Variants in AKAP6 observed in about 807,000 individuals in gnomAD.
AKAP6 encodes A-kinase anchor protein 6.
Under a neutral mutation model 188.5 loss-of-function variants are expected in AKAP6, and 58 were observed. That is an observed-to-expected ratio of 0.31 (90% confidence interval 0.25 to 0.38). The LOEUF (loss-of-function observed/expected upper bound fraction) is 0.38. Among genes scored for constraint, AKAP6 ranks in the 10% least tolerant of loss-of-function variants. The pLI, the probability that AKAP6 is intolerant of heterozygous loss-of-function variation, is 1.00. For missense variants in AKAP6, 2,710 were observed against 2,740.0 expected (o/e 0.99, Z 0.24); for synonymous variants, 989 against 998.6 (o/e 0.99, Z 0.18).
At chr14:32,577,084 T>C in intron 4 of AKAP6, 36 bp from the exon 5 acceptor site, 1 of 1,588,646 alleles carries the variant, frequency 6.3e-7, no homozygotes, top group Non-Finnish European at 8.5e-7. Flanking sequence ...ATGCCTTTCT[T>C]GCCCCTTTTT....
At chr14:32,449,333 T>C (rs941748) in intron 2 of AKAP6, among the ~76,000 whole-genome samples, 87,581 of 151,470 alleles carry the variant, frequency 0.58, 27,549 homozygotes, top group African/African-American at 0.84. Flanking sequence ...TGTGGTAAAA[T>C]CCTGTCTTTT....
At chr14:32,351,783 A>G (rs1423567962) in intron 1 of AKAP6, among the ~76,000 whole-genome samples, 2 of 152,186 alleles carry the variant, frequency 1.3e-5, no homozygotes, top group Non-Finnish European at 2.9e-5. Flanking sequence ...TTATATATAC[A>G]TACACAATTA....
At chr14:32,423,918 T>C (rs1238080044) in intron 1 of AKAP6, among the ~76,000 whole-genome samples, 2 of 152,146 alleles carry the variant, frequency 1.3e-5, no homozygotes, top group African/African-American at 4.8e-5. Context: ...AATGGAGAAT[T>C]CTTTTTATAT....
At chr14:32,510,423 T>TATATATGTATATATATATAC (rs1881154488) in intron 2 of AKAP6, among the ~76,000 whole-genome samples, 1 of 94,292 alleles carries the variant, frequency 1.1e-5, no homozygotes, top group African/African-American at 4.7e-5. Flanking sequence ...TGTATATATA[T>TATATATGTATATATATATAC]ACATATATAT....
intron 1 of AKAP6, among the ~76,000 whole-genome samples, chr14:32,393,445 T>C (rs577417610): frequency 3.3e-5 from 5 of 152,184 alleles, no homozygotes; most frequent in Admixed American, 6.6e-5. Flanking sequence ...GACAAATAAA[T>C]GCAGGGAATG....
At chr14:32,581,300 G>A (rs1191931424) in intron 5 of AKAP6, among the ~76,000 whole-genome samples, 2 of 152,138 alleles carry the variant, frequency 1.3e-5, no homozygotes, top group Admixed American at 6.5e-5. Flanking sequence ...GTAGTTGAGC[G>A]GTTTTGAGTG....
At position 32,805,408 on chromosome 14, in the gene AKAP6, C is replaced by T. The variant is rs2034063660; in HGVS notation, c.3589-15994C>T. 2.0e-5 allele frequency among the ~76,000 whole-genome samples: 3 copies of T among 152,310 alleles called. No homozygotes were observed. The South Asian group carries it at 6.2e-4, about 32-fold the overall frequency. ...ATGTGGACTAAGATATTGAAATTGT[C>T]ATCCTGCGTGTAGGAGGAGAGATGG... On this transcript the variant is annotated intron_variant, in intron 12 of 13. Transcript: ENST00000280979.
chr14:32,715,675 C>T (rs141537378), intron 9 of AKAP6, among the ~76,000 whole-genome samples: 1 of 151,672 alleles, frequency 6.6e-6, no homozygotes, highest in Non-Finnish European at 1.5e-5. Context: ...TAGGATTTTA[C>T]CAAAAACAGG....
At chr14:32,737,417 G>A (rs193018749) in intron 11 of AKAP6, among the ~76,000 whole-genome samples, 90 of 152,248 alleles carry the variant, frequency 5.9e-4, no homozygotes, top group Admixed American at 2.7e-3. Flanking sequence ...GCAAATGTTT[G>A]TAATATAATA....
At position 32,790,377 on chromosome 14, in the gene AKAP6, G is replaced by A. The variant is rs967049000; in HGVS notation, c.3588+16484G>A. On this transcript the variant is annotated intron_variant, in intron 12 of 13. Coordinates refer to ENST00000280979, the MANE Select transcript of AKAP6 (RefSeq NM_004274.5). ...AATTCAGGAAATGCAGAGAACCCCA[G>A]TAAGATATTCCATGAGAAGATCAAC... 2.0e-5 allele frequency among the ~76,000 whole-genome samples: 3 copies of A among 152,056 alleles called. No individual in the cohort carries two copies. The East Asian group carries it at 5.8e-4, about 29-fold the overall frequency.
At chr14:32,720,009 T>A (rs1387034555) in intron 9 of AKAP6, among the ~76,000 whole-genome samples, 1 of 152,234 alleles carries the variant, frequency 6.6e-6, no homozygotes, top group Non-Finnish European at 1.5e-5. Flanking sequence ...CATCCATAGT[T>A]CAGGCTTCTT....
chr14:32,589,282 T>C (rs945241426), intron 5 of AKAP6, among the ~76,000 whole-genome samples: 2 of 152,208 alleles, frequency 1.3e-5, no homozygotes, highest in African/African-American at 4.8e-5. Context: ...TCCCCCTTGA[T>C]TCCCACCAGT....
chr14:32,638,027 G>C (rs971527639), intron 7 of AKAP6, among the ~76,000 whole-genome samples: 6 of 152,042 alleles, frequency 3.9e-5, no homozygotes, highest in African/African-American at 9.7e-5. Context: ...AGTTTCAAAG[G>C]ACATATTTTT....
chr14:32,514,006 A>G (rs560219039), intron 2 of AKAP6, among the ~76,000 whole-genome samples: 63 of 152,260 alleles, frequency 4.1e-4, no homozygotes, highest in African/African-American at 1.5e-3. Context: ...ATTTTTCACC[A>G]TTATAAACAA....
chr14:32,741,422 A>G (rs997170148), intron 11 of AKAP6, among the ~76,000 whole-genome samples: 5 of 152,016 alleles, frequency 3.3e-5, no homozygotes, highest in African/African-American at 1.2e-4. Context: ...GAAAGTGGAC[A>G]TTCTTGCCAT....
At chr14:32,649,186 G>A (rs976723368) in intron 7 of AKAP6, among the ~76,000 whole-genome samples, 1 of 152,012 alleles carries the variant, frequency 6.6e-6, no homozygotes, top group Admixed American at 6.6e-5. Context: ...GATGAGAGGG[G>A]TAATCAATAT....
At chr14:32,628,724 C>T (rs1324182465) in intron 7 of AKAP6, among the ~76,000 whole-genome samples, 1 of 150,632 alleles carries the variant, frequency 6.6e-6, no homozygotes, top group African/African-American at 2.5e-5. Context: ...CTCTGCAACT[C>T]AATGGAAATA....
At chr14:32,796,881 GT>G (rs1264142114) in intron 12 of AKAP6, among the ~76,000 whole-genome samples, 1 of 152,076 alleles carries the variant, frequency 6.6e-6, no homozygotes, top group Non-Finnish European at 1.5e-5. Flanking sequence ...ATGGGAGAAA[GT>G]TTTTGCAATC....
chr14:32,545,963 T>A lies in AKAP6; in HGVS notation c.1310T>A (p.Leu437His). The A allele has an allele frequency of 1.2e-6, 2 of 1,614,178 alleles. No individual in the cohort carries two copies. Among genetic ancestry groups the A allele is most frequent in the Non-Finnish European group, 8.5e-7 (1 of 1,180,026 alleles). ...GTAGATCCTCCTGACAGATCCAAAC[T>A]TTGCCTGGTATTGCAGTCTTCTTAC... ...SLVDPPDRSK[L>H]CLVLQSSYPN... Residue 437 changes from leucine (L) to histidine (H), a missense_variant, in exon 4 of 14, where the codon CTT becomes CAT. Coordinates refer to ENST00000280979, the MANE Select transcript of AKAP6 (RefSeq NM_004274.5).
Sources: gnomAD v4.1 joint callset for allele counts (sites outside exome capture counted in the v4.1 genomes callset) on GRCh38, gnomAD v4.1.1 for gene constraint, MANE v1.5 for transcripts, NCBI Gene and HGNC (gene_info 2026-07-23, HGNC 2026-07-21) for gene names.